PRAMEF20: variants seen among roughly 807,000 people sequenced by gnomAD.
PRAMEF20 encodes the protein PRAME family member 20/21.
A neutral mutation model predicts 32.4 loss-of-function variants in PRAMEF20; 27 were observed. That is an observed-to-expected ratio of 0.83 (90% CI 0.61 to 1.15). The LOEUF is 1.15. Ranked by LOEUF, PRAMEF20 falls within the 50% of genes most tolerant of loss-of-function variation. The pLI is 0.00. For missense variants in PRAMEF20, 604 were observed against 584.5 expected, an observed-to-expected ratio of 1.03 and a Z score of -0.34; for synonymous variants, 256 against 235.4, an observed-to-expected ratio of 1.09 and a Z score of -0.80.
At chr1:13,411,544 C>T (rs981281810), upstream of PRAMEF20, among the ~76,000 whole-genome samples, 2 of 152,104 alleles carry the variant, frequency 1.3e-5, no homozygotes, top group Admixed American at 1.3e-4. Context: ...ATAATTCCCA[C>T]AATGGCCTTA....
chr1:13,414,327 A>G (rs1641142288), upstream of PRAMEF20, among the ~76,000 whole-genome samples: 1 of 150,352 alleles, frequency 6.7e-6, no homozygotes. Context: ...CCAAAGTGCC[A>G]GGATTACAGG....
the PRAMEF20 span, chr1:13,410,692 C>CA: frequency 7.0e-6 from 1 of 143,112 alleles, no homozygotes; most frequent in Non-Finnish European, 1.5e-5. Flanking sequence ...GTCTTCATTT[C>CA]AAAAAATTTG....
At chr1:13,417,804 C>A (rs1416658468) in intron 1 of PRAMEF20, among the ~76,000 whole-genome samples, 1 of 144,986 alleles carries the variant, frequency 6.9e-6, no homozygotes, top group Non-Finnish European at 1.5e-5. Context: ...TGCAGTGGCG[C>A]GATCTCAGCT....
upstream of PRAMEF20, among the ~76,000 whole-genome samples, chr1:13,413,777 G>T (rs1183809538): frequency 6.6e-6 from 1 of 152,004 alleles, no homozygotes. Flanking sequence ...ACTGTGAGGG[G>T]TCCAAGCACC....
At chr1:13,417,092 C>T (rs909449749) in intron 1 of PRAMEF20, among the ~76,000 whole-genome samples, 4 of 152,120 alleles carry the variant, frequency 2.6e-5, no homozygotes, top group Non-Finnish European at 4.4e-5. Flanking sequence ...AAAGATGGCA[C>T]GGACCCAAAG....
At chr1:13,416,775 C>T in intron 1 of PRAMEF20, 134 bp downstream of exon 2, 1 of 1,553,432 alleles carries the variant, frequency 6.4e-7, no homozygotes, top group Non-Finnish European at 8.7e-7. Context: ...CTTAGAGAGG[C>T]CTTGGCCATT....
the PRAMEF20 span, among the ~76,000 whole-genome samples, chr1:13,411,139 T>C: frequency 6.6e-6 from 1 of 152,148 alleles, no homozygotes; most frequent in African/African-American, 2.4e-5. Flanking sequence ...ATTACAGCCA[T>C]CAACCACCAG....
the PRAMEF20 span, among the ~76,000 whole-genome samples, chr1:13,410,778 G>A: frequency 2.2e-3 from 330 of 151,784 alleles, no homozygotes; most frequent in African/African-American, 7.7e-3. Flanking sequence ...CAACACTCTC[G>A]GAGGTCAATG....
chr1:13,416,571 C>T (rs1641176264), exon 1 of PRAMEF20: 23 of 1,614,138 alleles, frequency 1.4e-5, no homozygotes, highest in Non-Finnish European at 1.9e-5. Flanking sequence ...GATGAAAAGG[C>T]CTTGCCCAGA....
upstream of PRAMEF20, among the ~76,000 whole-genome samples, chr1:13,414,095 G>T (rs1373042970): frequency 4.6e-5 from 7 of 152,186 alleles, no homozygotes; most frequent in Admixed American, 4.6e-4. Flanking sequence ...AGGCTGGAGT[G>T]CAGTGGCATG....
upstream of PRAMEF20, among the ~76,000 whole-genome samples, chr1:13,411,943 A>T (rs1180676523): frequency 1.3e-5 from 2 of 152,016 alleles, no homozygotes; most frequent in African/African-American, 2.4e-5. Context: ...CTAACACTAG[A>T]GACTTTTTCT....
upstream of PRAMEF20, among the ~76,000 whole-genome samples, chr1:13,411,454 C>A (rs1017463832): frequency 6.6e-6 from 1 of 152,052 alleles, no homozygotes; most frequent in Non-Finnish European, 1.5e-5. Flanking sequence ...GTTTAGAAGT[C>A]TCTACATGCT....
rs557800654 is a variant in PRAMEF20, at chr1:13,416,532, C to G, written c.178C>G (p.Pro60Ala). The G allele has an allele frequency of 3.7e-5, 60 of 1,614,102 alleles. No individual in the cohort carries two copies. In the Admixed American group the frequency reaches 9.8e-4, roughly 26 times the overall value. The change falls in exon 1 of 3, where the codon CCT (proline) becomes GCT (alanine). Residue 60 changes from proline (P) to alanine (A), a missense_variant. By Grantham distance (27) the Pro-to-Ala change is conservative (BLOSUM62 -1). Transcript: ENST00000602960. ...CCTGAAGCTGATGGTGCAGGCCTGGCCTTTCCTCCGCCTTCCTCTGGGGTC... is the reference window on the plus strand; with the variant it reads ...CCTGAAGCTGATGGTGCAGGCCTGGGCTTTCCTCCGCCTTCCTCTGGGGTC...
chr1:13,416,841 G>A (rs1641180927), intron 1 of PRAMEF20, among the ~76,000 whole-genome samples, 200 bp downstream of exon 2: 1 of 152,204 alleles, frequency 6.6e-6, no homozygotes, highest in African/African-American at 2.4e-5. Context: ...GAGGTAACAG[G>A]AACCTCTCTT....
Position 13,418,793 on chromosome 1 carries a change from A to G in PRAMEF20, c.866+93A>G, listed in dbSNP as rs1641212387. 2.5e-6 allele frequency: 4 copies of G among 1,595,828 alleles called. No homozygotes were observed. The Admixed American group carries it at 5.1e-5, about 20-fold the overall frequency. Reference sequence around the variant, plus strand: ...CTGTGAGCCAGCCTATGAGGATGTAACAGTAAAGGGGACACTAGAATGTCA... The same window carrying G: ...CTGTGAGCCAGCCTATGAGGATGTAGCAGTAAAGGGGACACTAGAATGTCA... On this transcript the variant is annotated intron_variant, in intron 2 of 2. Transcript: ENST00000602960.
intron 2 of PRAMEF20, 92 bp from the exon 4 acceptor site, chr1:13,420,605 T>G: frequency 6.4e-7 from 1 of 1,568,974 alleles, no homozygotes; most frequent in African/African-American, 1.4e-5. Context: ...TTGGGCAAAA[T>G]GGTCTCCATC....
At position 13,418,326 on chromosome 1, in the gene PRAMEF20, CA is replaced by C. The variant is rs1641205319; in HGVS notation, c.493del (p.Thr165ProfsTer13). 2 of 1,613,748 alleles carry C rather than the reference CA, an allele frequency of 1.2e-6. No homozygotes were observed. The highest frequency in any genetic ancestry group is 2.7e-5 in the African/African-American group (2 of 74,872). On this transcript the variant is annotated frameshift_variant, in exon 2 of 3. Transcript: ENST00000602960. LOFTEE classifies it high-confidence loss of function. ...AGAACAGGACTCTGGATGAATACTT[CA>C]CCTGCCTCTTTCTATGGGTCAAGCA...
upstream of PRAMEF20, among the ~76,000 whole-genome samples, chr1:13,412,965 G>A (rs1041731660): frequency 4.5e-3 from 679 of 152,176 alleles, 2 homozygotes; most frequent in Non-Finnish European, 6.9e-3. Context: ...TACCACCCAG[G>A]TAATCACTGG....
chr1:13,419,514 A>G (rs1641219397), intron 2 of PRAMEF20, among the ~76,000 whole-genome samples: 2 of 150,986 alleles, frequency 1.3e-5, no homozygotes, highest in African/African-American at 4.9e-5. Context: ...TTTATTGCCC[A>G]GGGTTCACGC....
Sources: allele counts gnomAD v4.1 joint callset (sites outside exome capture counted in the v4.1 genomes callset), GRCh38; gene constraint gnomAD v4.1.1; transcripts MANE v1.5; gene names NCBI Gene and HGNC (gene_info 2026-07-23, HGNC 2026-07-21).